Variants in AKT2 observed in about 807,000 individuals in gnomAD.
AKT2 encodes RAC-beta serine/threonine-protein kinase.
AKT2 carries 16 observed loss-of-function variants against 58.6 expected under a neutral mutation model. The ratio of observed to expected loss-of-function variants is 0.27; its 90% confidence interval spans 0.18 to 0.41. AKT2 has a LOEUF of 0.41. Ranked by LOEUF, AKT2 falls within the 10% of genes least tolerant of loss-of-function variation. The pLI is 1.00. For synonymous variants in AKT2, 253 were observed against 254.0 expected, an observed-to-expected ratio of 1.00 and a Z score of 0.04; for missense variants, 438 against 661.0, an observed-to-expected ratio of 0.66 and a Z score of 3.70.
At chr19:40,274,878 GC>G in intron 1 of AKT2, 1 of 357,458 alleles carries the variant, frequency 2.8e-6, no homozygotes, top group East Asian at 7.4e-5. Context: ...GGAACTATCC[GC>G]CTGAGGCGAG....
At chr19:40,239,435 C>T (rs775086868) in intron 7 of AKT2, 1 of 266,094 alleles carries the variant, frequency 3.8e-6, no homozygotes, top group Non-Finnish European at 7.3e-6. Flanking sequence ...GAGACTCCCA[C>T]CAGGGGGTCC....
intron 1 of AKT2, among the ~76,000 whole-genome samples, chr19:40,267,386 C>T (rs1221733211): frequency 6.6e-6 from 1 of 152,166 alleles, no homozygotes; most frequent in Non-Finnish European, 1.5e-5. Flanking sequence ...CTCCGCCCTA[C>T]CTGACTCTCC....
intron 1 of AKT2, among the ~76,000 whole-genome samples, chr19:40,276,666 T>C (rs977690470): frequency 1.3e-5 from 2 of 151,352 alleles, no homozygotes; most frequent in Admixed American, 1.3e-4. Flanking sequence ...GCCCAGCCTG[T>C]AGAATGGAAT....
chr19:40,257,365 C>A (rs1975611867), intron 2 of AKT2, among the ~76,000 whole-genome samples: 1 of 152,178 alleles, frequency 6.6e-6, no homozygotes, highest in Non-Finnish European at 1.5e-5. Context: ...CAGCTCCTGG[C>A]CTAGTCCCAG....
At chr19:40,236,226 A>G (rs1974016914) in intron 10 of AKT2, 31 bp downstream of exon 10, 1 of 1,613,278 alleles carries the variant, frequency 6.2e-7, no homozygotes, top group Non-Finnish European at 8.5e-7. Flanking sequence ...CCTTGGCCTC[A>G]CACGTTCCTA....
Position 40,231,615 on chromosome 19 carries a change from G to T in AKT2, c.*2257C>A. 1 of 233,348 alleles carries T rather than the reference G, an allele frequency of 4.3e-6. No homozygotes were observed. Among genetic ancestry groups the T allele is most frequent in the Non-Finnish European group, 8.5e-6 (1 of 118,058 alleles). 14.5% of individuals were successfully genotyped at this position (233,348 alleles called of 1,614,324 possible). ...TCTGTGCCAGGCCCTCTGCACAGCA[G>T]GGCTCAGCAGGGCAGGCCAGGGCTC... On this transcript the variant is annotated 3_prime_UTR_variant, in exon 14 of 14. Coordinates refer to ENST00000392038, the MANE Select transcript of AKT2 (RefSeq NM_001626.6).
intron 1 of AKT2, among the ~76,000 whole-genome samples, chr19:40,273,816 G>A (rs529991823): frequency 2.3e-3 from 349 of 152,156 alleles, no homozygotes; most frequent in Admixed American, 4.0e-3. Context: ...TGCAACCAGC[G>A]GGATCCTCCA....
intron 4 of AKT2, among the ~76,000 whole-genome samples, chr19:40,254,742 T>C (rs1975413663): frequency 6.6e-6 from 1 of 151,272 alleles, no homozygotes; most frequent in Non-Finnish European, 1.5e-5. Context: ...GGCAGGAAAA[T>C]CGCTTGAACC....
chr19:40,265,189 G>C, intron 2 of AKT2, 33 bp downstream of exon 2: 3 of 1,608,234 alleles, frequency 1.9e-6, no homozygotes, highest in Non-Finnish European at 2.5e-6. Flanking sequence ...CAGCGTGGGA[G>C]AAAGAATCTG....
chr19:40,253,736 G>A (rs907918128), intron 4 of AKT2, among the ~76,000 whole-genome samples: 1 of 152,162 alleles, frequency 6.6e-6, no homozygotes. Flanking sequence ...CACATCAAAC[G>A]AGACAGACAC....
intron 4 of AKT2, among the ~76,000 whole-genome samples, chr19:40,246,278 C>A (rs1974748520): frequency 6.6e-6 from 1 of 152,014 alleles, no homozygotes; most frequent in African/African-American, 2.4e-5. Flanking sequence ...GAACTACAGG[C>A]ACCCGCCACC....
chr19:40,251,611 C>T (rs1244082931), intron 4 of AKT2, among the ~76,000 whole-genome samples: 7 of 151,922 alleles, frequency 4.6e-5, no homozygotes, highest in African/African-American at 1.5e-4. Flanking sequence ...AGACAAAGGG[C>T]TGAACTAGAT....
intron 2 of AKT2, among the ~76,000 whole-genome samples, chr19:40,258,571 T>A (rs1975719404): frequency 6.7e-6 from 1 of 149,910 alleles, no homozygotes; most frequent in South Asian, 2.1e-4. Flanking sequence ...GAGGCCGAAA[T>A]GGCAGAATCA....
intron 1 of AKT2, chr19:40,265,915 A>T (rs1976317814): frequency 6.3e-6 from 1 of 158,482 alleles, no homozygotes; most frequent in Admixed American, 5.9e-5. Context: ...ATCCCATGCC[A>T]TTCCCTGAGC....
Position 40,285,325 on chromosome 19 carries a change from A to G in AKT2, c.-229T>C, listed in dbSNP as rs1053998102. The G allele has an allele frequency of 1.3e-4, 53 of 393,666 alleles. No individual in the cohort carries two copies. The highest frequency in any genetic ancestry group is 9.9e-5 in the Non-Finnish European group (22 of 223,074). The allele number at this position is 393,666 out of a possible 1,614,324, so 24.4% of individuals were successfully genotyped here. A position where few individuals can be genotyped will look rare whatever the true frequency, so the allele number is the denominator to read the frequency against. Reference sequence around the variant, plus strand: ...GCGGCGGCGACGCCTCCTCCGAGGCAGGCCCAACGGCTAGCACGGCGCGGC... The same window carrying G: ...GCGGCGGCGACGCCTCCTCCGAGGCGGGCCCAACGGCTAGCACGGCGCGGC... On this transcript the variant is annotated 5_prime_UTR_variant, in exon 1 of 14. Transcript: ENST00000392038.
At chr19:40,285,047 G>C (rs1235851480) in intron 1 of AKT2, 134 bp downstream of exon 1, 1 of 374,556 alleles carries the variant, frequency 2.7e-6, no homozygotes, top group Non-Finnish European at 4.7e-6. Flanking sequence ...CCCCCACTCA[G>C]CTCCTGAAGG....
At chr19:40,278,437 T>C (rs943118890) in intron 1 of AKT2, among the ~76,000 whole-genome samples, 7 of 152,256 alleles carry the variant, frequency 4.6e-5, no homozygotes, top group African/African-American at 1.4e-4. Context: ...CAATATTCTA[T>C]GTGGCTTCCT....
intron 2 of AKT2, 94 bp from the exon 3 acceptor site, chr19:40,257,148 C>CA: frequency 2.7e-6 from 4 of 1,502,758 alleles, no homozygotes; most frequent in Non-Finnish European, 3.7e-6. Flanking sequence ...CGGTGACTCA[C>CA]AAGGGGTACC....
At chr19:40,239,031 T>C (rs1408723125) in intron 7 of AKT2, 58 bp from the exon 8 acceptor site, 3 of 1,578,184 alleles carry the variant, frequency 1.9e-6, no homozygotes, top group South Asian at 1.1e-5. Context: ...TGCTGAGCCA[T>C]GCCAGGGCAG....
Sources: allele counts gnomAD v4.1 joint callset (sites outside exome capture counted in the v4.1 genomes callset), GRCh38; gene constraint gnomAD v4.1.1; transcripts MANE v1.5; gene names NCBI Gene and HGNC (gene_info 2026-07-23, HGNC 2026-07-21).